The following SATB2 variants were observed in gnomAD, a reference collection of about 807,000 sequenced individuals.
SATB2 encodes DNA-binding protein SATB2.
A neutral mutation model predicts 73.4 loss-of-function variants in SATB2; 1 was observed. That is an observed-to-expected ratio of 0.01 (90% CI 0.00 to 0.06). The LOEUF (loss-of-function observed/expected upper bound fraction) is 0.06, where lower values mean the gene tolerates loss of function less well. Ranked by LOEUF, SATB2 falls within the 10% of genes least tolerant of loss-of-function variation. The pLI is 1.00. For synonymous variants in SATB2, 397 were observed against 367.0 expected (o/e 1.08, Z -0.93); for missense variants, 459 against 945.8 (o/e 0.49, Z 6.75).
At chr2:199,452,609 T>G (rs1189571787) in intron 2 of SATB2, among the ~76,000 whole-genome samples, 2 of 152,132 alleles carry the variant, frequency 1.3e-5, no homozygotes, top group Non-Finnish European at 2.9e-5. Context: ...TTAATCATCC[T>G]TTTTCAAAAT....
chr2:199,298,384 G>C (rs1687181089), intron 10 of SATB2, among the ~76,000 whole-genome samples: 1 of 152,186 alleles, frequency 6.6e-6, no homozygotes, highest in Non-Finnish European at 1.5e-5. Flanking sequence ...GCTTCCAGCA[G>C]AGATAATGTT....
chr2:199,368,538 A>T (rs2105849941), intron 6 of SATB2, 67 bp downstream of exon 6: 2 of 941,720 alleles, frequency 2.1e-6, no homozygotes, highest in South Asian at 2.6e-5. Context: ...CATAAATTCC[A>T]AACAACCAAC....
intron 9 of SATB2, among the ~76,000 whole-genome samples, chr2:199,315,534 C>T (rs1173385988): frequency 2.6e-5 from 4 of 152,042 alleles, no homozygotes; most frequent in Non-Finnish European, 4.4e-5. Flanking sequence ...GTCCATGGTA[C>T]TGAAATGCCA....
chr2:199,292,982 T>C (rs1471723177), intron 10 of SATB2, among the ~76,000 whole-genome samples: 1 of 152,190 alleles, frequency 6.6e-6, no homozygotes, highest in Non-Finnish European at 1.5e-5. Flanking sequence ...TATTATTAGA[T>C]ATGATTTTAT....
intron 6 of SATB2, 130 bp downstream of exon 6, chr2:199,368,475 T>C (rs1574554298): frequency 1.5e-6 from 1 of 672,794 alleles, no homozygotes; most frequent in East Asian, 2.7e-5. Flanking sequence ...ATGACAGGAA[T>C]ATTAAAGATC....
chr2:199,296,506 C>T (rs1278502919), intron 10 of SATB2, among the ~76,000 whole-genome samples: 1 of 152,072 alleles, frequency 6.6e-6, no homozygotes, highest in Non-Finnish European at 1.5e-5. Context: ...GCCTGGGCAA[C>T]ATGGTGAAAC....
intron 6 of SATB2, among the ~76,000 whole-genome samples, chr2:199,363,455 G>T (rs530844787): frequency 6.6e-6 from 1 of 152,298 alleles, no homozygotes; most frequent in South Asian, 2.1e-4. Context: ...TGAATTCATA[G>T]AAGTAGAGAG....
At chr2:199,448,795 A>G (rs1692039339) in intron 2 of SATB2, among the ~76,000 whole-genome samples, 1 of 152,068 alleles carries the variant, frequency 6.6e-6, no homozygotes, top group South Asian at 2.1e-4. Flanking sequence ...CCTCCCCTTA[A>G]TTTTTTGATC....
At chr2:199,368,153 G>A (rs921457688) in intron 6 of SATB2, among the ~76,000 whole-genome samples, 1 of 152,042 alleles carries the variant, frequency 6.6e-6, no homozygotes, top group Non-Finnish European at 1.5e-5. Context: ...AGAAGCTAAA[G>A]ATTTGAACCC....
chr2:199,382,965 G>T (rs1418723632), intron 3 of SATB2, among the ~76,000 whole-genome samples: 1 of 152,174 alleles, frequency 6.6e-6, no homozygotes, highest in East Asian at 1.9e-4. Flanking sequence ...CAAAATGACA[G>T]CTATGGGGCA....
chr2:199,419,767 C>T (rs1691109548), intron 3 of SATB2, among the ~76,000 whole-genome samples: 1 of 152,034 alleles, frequency 6.6e-6, no homozygotes, highest in Admixed American at 6.6e-5. Context: ...TTTATAATTC[C>T]TCATGCAATT....
At chr2:199,348,653 T>G (rs778360965) in intron 7 of SATB2, 48 bp downstream of exon 7, 1 of 1,365,706 alleles carries the variant, frequency 7.3e-7, no homozygotes, top group East Asian at 2.3e-5. Flanking sequence ...CTATCTCAAT[T>G]CTGTCCCCAG....
intron 3 of SATB2, among the ~76,000 whole-genome samples, chr2:199,392,004 T>C (rs1690157352): frequency 6.6e-6 from 1 of 152,140 alleles, no homozygotes; most frequent in Admixed American, 6.5e-5. Context: ...TGCAGATTAC[T>C]AAGAACTATG....
chr2:199,456,001 T>G lies in SATB2; in HGVS notation c.37A>C (p.Ser13Arg). 1 of 1,543,072 alleles carries G rather than the reference T, an allele frequency of 6.5e-7. No individual in the cohort carries two copies. The highest frequency in any genetic ancestry group is 8.7e-7 in the Non-Finnish European group (1 of 1,149,570). ...GGGCTGCCGCTCCGCCGGTCGGGGC[T>G]GTCCCGCAGACACGGGCTCTCGCTC... is the stretch of plus-strand genomic sequence containing the variant. ...RRSESPCLRD[S>R]PDRRSGSPDV... The change falls in exon 2 of 11, where the codon AGC (serine) becomes CGC (arginine). Residue 13 changes from serine (S) to arginine (R), a missense_variant. Physicochemically the swap from Ser to Arg is moderately radical, Grantham distance 110. This residue lies in a region of SATB2 where 74 missense variants were observed against 113.3 expected (regional missense o/e 0.65). Transcript: ENST00000417098.
intron 3 of SATB2, among the ~76,000 whole-genome samples, chr2:199,398,795 A>T (rs1690379992): frequency 2.0e-5 from 3 of 152,260 alleles, no homozygotes; most frequent in African/African-American, 7.2e-5. Context: ...TTAGAATCTT[A>T]GAAGATTCAC....
chr2:199,439,134 C>T (rs1376169756), intron 2 of SATB2, among the ~76,000 whole-genome samples: 1 of 152,272 alleles, frequency 6.6e-6, no homozygotes, highest in African/African-American at 2.4e-5. Flanking sequence ...GAGGGGGAAA[C>T]TAAGAGGGCT....
At chr2:199,418,601 C>T (rs565961014) in intron 3 of SATB2, among the ~76,000 whole-genome samples, 33 of 152,200 alleles carry the variant, frequency 2.2e-4, no homozygotes, top group African/African-American at 7.5e-4. Flanking sequence ...TGGTTTGCTT[C>T]TACATCCAAA....
intron 3 of SATB2, chr2:199,397,767 G>C (rs537067769): frequency 2.4e-6 from 1 of 422,982 alleles, no homozygotes. Flanking sequence ...CGTGCTGCTG[G>C]ATTTCCAGCT....
chr2:199,355,336 G>GTA (rs1230229456), intron 6 of SATB2, among the ~76,000 whole-genome samples: 2 of 94,022 alleles, frequency 2.1e-5, no homozygotes, highest in East Asian at 4.4e-4. Context: ...GTGTGTGTGT[G>GTA]TGTGTGTGTA....
Sources: gnomAD v4.1 joint callset for allele counts (sites outside exome capture counted in the v4.1 genomes callset) on GRCh38, gnomAD v4.1.1 for gene constraint, gnomAD v4.1.1 regional missense constraint, MANE v1.5 for transcripts, NCBI Gene and HGNC (gene_info 2026-07-23, HGNC 2026-07-21) for gene names.